Variants in XAB2 observed in about 807,000 individuals in gnomAD.
XAB2 encodes pre-mRNA-splicing factor SYF1.
XAB2 carries 57 observed loss-of-function variants against 113.4 expected under a neutral mutation model. The observed-to-expected ratio is 0.50, with a 90% CI of 0.41 to 0.63. The LOEUF is 0.63. Ranked by LOEUF, XAB2 falls within the 20% of genes least tolerant of loss-of-function variation. XAB2 has a pLI of 0.00. For missense variants in XAB2, 1,037 were observed against 1,233.3 expected, an observed-to-expected ratio of 0.84 and a Z score of 2.38; for synonymous variants, 497 against 498.8, an observed-to-expected ratio of 1.00 and a Z score of 0.05.
Position 7,620,647 on chromosome 19 carries a change from C to G in XAB2, c.1994G>C (p.Arg665Pro). ...GTCTGCAAACCGCAGGCACATCTCA[C>G]GCGCGTGCTCGTCCGACAGCACCTG... ...AIEVLSDEHA[R>P]EMCLRFADME... The change falls in exon 15 of 19, where the codon CGT becomes CCT. Residue 665 changes from arginine to proline, a missense_variant. Arg to Pro is a moderately radical substitution (Grantham distance 103, BLOSUM62 -2). Transcript: ENST00000358368. The G allele has an allele frequency of 6.2e-7, 1 of 1,612,944 alleles. No individual in the cohort carries two copies. Among genetic ancestry groups the G allele is most frequent in the Non-Finnish European group, 8.5e-7 (1 of 1,179,912 alleles).
Position 7,629,486 on chromosome 19 carries a change from G to A in XAB2, c.42C>T (p.Asp14=), listed in dbSNP as rs763579035. 7 of 1,601,588 alleles carry A rather than the reference G, an allele frequency of 4.4e-6. No homozygotes were observed. In the African/African-American group the frequency reaches 9.4e-5, roughly 21 times the overall value. Residue 14 remains aspartate, a synonymous_variant, in exon 1 of 19, where the codon GAC becomes GAT. Transcript: ENST00000358368. ...TCCTCTGTGGACTCACGAAGACAAG[G>A]TCCGGCCGCTCGGGCCGCGAGAGTC... is the stretch of plus-strand genomic sequence containing the variant. The part of the protein sequence containing the change: ...MARLSRPERP[D]LVFEEEDLPY...
At position 7,623,712 on chromosome 19, in the gene XAB2, TG is replaced by T. The variant is rs1385057524; in HGVS notation, c.1119+18del. The T allele has an allele frequency of 2.5e-5, 40 of 1,577,562 alleles. No individual in the cohort carries two copies. The highest frequency in any genetic ancestry group is 3.3e-5 in the Non-Finnish European group (39 of 1,164,436). ...GGAAACTGGCCCTCAGGGGTAGGAC[TG>T]GGGCAGGCTTCATGTACCTCCCGGG... is the stretch of plus-strand genomic sequence containing the variant. On this transcript the variant is annotated intron_variant, in intron 8 of 18. Transcript: ENST00000358368. The surrounding 1 kb of genome is among the most constrained non-coding windows in gnomAD (Gnocchi z 4.6).
rs138662514 is a variant in XAB2, at chr19:7,626,293, G to C, written c.523-23C>G. On this transcript the variant is annotated intron_variant, in intron 4 of 18. Transcript: ENST00000358368. ...CAGCTGGGGACCGAGCCACCCCTCA[G>C]GCAGTCAGTGGGGTGGCAGGGCTAC... 12,906 of 1,598,536 alleles carry C rather than the reference G, an allele frequency of 8.1e-3. 75 individuals carry two copies. Among genetic ancestry groups the C allele is most frequent in the South Asian group, 0.023 (2,135 of 90,948 alleles).
In XAB2 at chr19:7,621,284, C is replaced by G. The variant is rs1315592584; in HGVS notation, c.1631G>C (p.Gly544Ala). The change falls in exon 13 of 19, where the codon GGC becomes GCC. Residue 544 changes from glycine (G) to alanine (A), a missense_variant. By Grantham distance (60) the Gly-to-Ala change is moderately conservative (BLOSUM62 0). Coordinates refer to ENST00000358368, the MANE Select transcript of XAB2 (RefSeq NM_020196.3). ...GTTGGGCCACTTGAACAGCGAGATG[C>G]CGCGCTCGTACGCCTGTTACCAGAG... ...FEESFKAYER[G>A]ISLFKWPNVS... 1 of 1,612,866 alleles carries G rather than the reference C, an allele frequency of 6.2e-7. No homozygotes were observed. The highest frequency in any genetic ancestry group is 1.7e-5 in the Admixed American group (1 of 60,018).
rs1475141835 is a variant in XAB2 at position 7,621,150 on chromosome 19, G to A, written c.1765C>T (p.Pro589Ser). ...CCCGCCTCACTCTTGGCATATTTTG[G>A]GGGGCAGCCGTCCAGAGCCTGTTCA... is the stretch of plus-strand genomic sequence containing the variant. ...LFEQALDGCP[P>S]KYAKTLYLLY... is the part of the protein sequence containing the mutation. The change falls in exon 13 of 19, where the codon CCA becomes TCA. Residue 589 changes from proline to serine, a missense_variant. By Grantham distance (74) the Pro-to-Ser change is moderately conservative. Coordinates refer to ENST00000358368, the MANE Select transcript of XAB2 (RefSeq NM_020196.3). 10 of 1,592,396 alleles carry A rather than the reference G, an allele frequency of 6.3e-6. No individual in the cohort carries two copies. Among genetic ancestry groups the A allele is most frequent in the South Asian group, 1.1e-5 (1 of 90,352 alleles).
intron 13 of XAB2, 29 bp downstream of exon 13, chr19:7,621,106 A>ACC: frequency 1.5e-6 from 1 of 677,222 alleles, no homozygotes; most frequent in Non-Finnish European, 2.0e-6. Context: ...CCCGCCCGCC[A>ACC]CCCCCCCCAT....
At chr19:7,626,065 G>C (rs373098525) in intron 5 of XAB2, 21 bp from the exon 6 acceptor site, 1 of 1,608,632 alleles carries the variant, frequency 6.2e-7, no homozygotes, top group African/African-American at 1.3e-5. Context: ...TGGGGCAGTG[G>C]GGGAGAGTCT....
At chr19:7,620,101 C>T (rs757785157) in intron 16 of XAB2, 26 bp from the exon 17 acceptor site, 26 of 1,606,308 alleles carry the variant, frequency 1.6e-5, no homozygotes, top group East Asian at 1.3e-4. Flanking sequence ...AGGGGGTCAG[C>T]GCCACGGGGG....
chr19:7,622,875 T>C lies in XAB2; in HGVS notation c.1258A>G (p.Lys420Glu). The change falls in exon 10 of 19, where the codon AAG becomes GAG. Residue 420 changes from lysine to glutamate, a missense_variant. Lys to Glu is a moderately conservative substitution (Grantham distance 56). Coordinates refer to ENST00000358368, the MANE Select transcript of XAB2 (RefSeq NM_020196.3). ...QLDDARVILE[K>E]ATKVNFKQVD... Reference sequence around the variant, plus strand: ...TGCTTGAAGTTCACCTTGGTGGCCTTCTCCAGGATGACACGGGCCTGCCGG... The same window carrying C: ...TGCTTGAAGTTCACCTTGGTGGCCTCCTCCAGGATGACACGGGCCTGCCGG... The C allele has an allele frequency of 6.2e-7, 1 of 1,613,694 alleles. No individual in the cohort carries two copies. Among genetic ancestry groups the C allele is most frequent in the East Asian group, 2.2e-5 (1 of 44,840 alleles).
rs4134839 is a variant in XAB2 at position 7,626,006 on chromosome 19, C to T, written c.696G>A (p.Pro232=). 2,244 of 1,612,446 alleles carry T rather than the reference C, an allele frequency of 1.4e-3. 38 individuals carry two copies. In the African/African-American group the frequency reaches 0.027, roughly 19 times the overall value. The change falls in exon 6 of 19, where the codon CCG becomes CCA. Residue 232 remains proline, a synonymous_variant. Transcript: ENST00000358368. Reference sequence around the variant, plus strand: ...CCACATTGAGGGACTGTACCTTGTCCGGATTCTGGGAGATGAGGTCGCACA... The same window carrying T: ...CCACATTGAGGGACTGTACCTTGTCTGGATTCTGGGAGATGAGGTCGCACA... ...HELCDLISQN[P]DKVQSLNVDA...
At position 7,619,935 on chromosome 19, in the gene XAB2, T is replaced by G. The variant is rs774070049; in HGVS notation, c.2396+11A>C. On this transcript the variant is annotated intron_variant, in intron 17 of 18. Coordinates refer to ENST00000358368, the MANE Select transcript of XAB2 (RefSeq NM_020196.3). The stretch of plus-strand genomic sequence containing the variant: ...GTCCCAGTCCTGTCCCGTCCAAGGA[T>G]CCGCCCTCACCTCACGAACAGGATC... 33 of 1,610,446 alleles carry G rather than the reference T, an allele frequency of 2.0e-5. No individual in the cohort carries two copies. Among genetic ancestry groups the G allele is most frequent in the Non-Finnish European group, 2.8e-5 (33 of 1,179,880 alleles).
chr19:7,623,297 C>T lies in XAB2; in HGVS notation c.1120-8G>A, dbSNP rs1195360017. 1.9e-6 allele frequency: 3 copies of T among 1,613,012 alleles called. No individual in the cohort carries two copies. Among genetic ancestry groups the T allele is most frequent in the East Asian group, 4.5e-5 (2 of 44,884 alleles). ...TGTGTAGGTGTTGATGATCTGGGGACAGGAGGGAGGAGGTCATATAGGACT... is the reference window on the plus strand; with the variant it reads ...TGTGTAGGTGTTGATGATCTGGGGATAGGAGGGAGGAGGTCATATAGGACT... On this transcript the variant is annotated splice_polypyrimidine_tract_variant and splice_region_variant and intron_variant, in intron 8 of 18. Transcript: ENST00000358368. This position sits in a 1 kb window ranked among gnomAD's most constrained non-coding sequence, Gnocchi z 4.6.
Position 7,628,386 on chromosome 19 carries a change from C to G in XAB2, c.52-88G>C. The G allele has an allele frequency of 6.4e-7, 1 of 1,553,032 alleles. No homozygotes were observed. Among genetic ancestry groups the G allele is most frequent in the Non-Finnish European group, 8.8e-7 (1 of 1,141,366 alleles). The stretch of plus-strand genomic sequence containing the variant: ...CCCACTGCTGGGGCTCAGGTCCAAA[C>G]TCCGGACTTTTACCTAGATCCCACC... On this transcript the variant is annotated intron_variant, in intron 1 of 18. Transcript: ENST00000358368. The surrounding 1 kb of genome is among the most constrained non-coding windows in gnomAD (Gnocchi z 4.6).
At chr19:7,629,222 C>T (rs949940956) in intron 1 of XAB2, among the ~76,000 whole-genome samples, 6 of 152,226 alleles carry the variant, frequency 3.9e-5, no homozygotes, top group African/African-American at 7.2e-5. Flanking sequence ...CCCCCATTTC[C>T]GCCCCTGGTT....
chr19:7,619,549 G>C lies in XAB2; in HGVS notation c.*37C>G, dbSNP rs763327923. On this transcript the variant is annotated 3_prime_UTR_variant, in exon 19 of 19. Coordinates refer to ENST00000358368, the MANE Select transcript of XAB2 (RefSeq NM_020196.3). Reference sequence around the variant, plus strand: ...ATGATGTACAAACGTAGCTGTATTGGGGAGGGGGTGGGGAGGGGGGATGGG... The same window carrying C: ...ATGATGTACAAACGTAGCTGTATTGCGGAGGGGGTGGGGAGGGGGGATGGG... 9.0e-6 allele frequency: 13 copies of C among 1,440,962 alleles called. 1 individual carries two copies. The African/African-American group carries it at 1.9e-4, about 21-fold the overall frequency. The allele number at this position is 1,440,962 out of a possible 1,614,324, so 89.3% of individuals were successfully genotyped here.
Position 7,623,394 on chromosome 19 carries a change from C to G in XAB2, c.1120-105G>C, listed in dbSNP as rs2031076726. ...GTGGGGCCTGGAGGGTGCTGTGGCC[C>G]CTGTCGGGAGAGGCCAGAAACGAAC... is the stretch of plus-strand genomic sequence containing the variant. On this transcript the variant is annotated intron_variant, in intron 8 of 18. Transcript: ENST00000358368. This position sits in a 1 kb window ranked among gnomAD's most constrained non-coding sequence, Gnocchi z 4.6. 6.7e-7 allele frequency: 1 copy of G among 1,483,426 alleles called. No homozygotes were observed. Among genetic ancestry groups the G allele is most frequent in the Non-Finnish European group, 9.1e-7 (1 of 1,093,806 alleles). The allele number at this position is 1,483,426 out of a possible 1,614,324, so 91.9% of individuals were successfully genotyped here. A position where few individuals can be genotyped will look rare whatever the true frequency, so the allele number is the denominator to read the frequency against.
At position 7,622,499 on chromosome 19, in the gene XAB2, C is replaced by A. The variant is rs779073595; in HGVS notation, c.1503+31G>T. 7 of 1,613,714 alleles carry A rather than the reference C, an allele frequency of 4.3e-6. No individual in the cohort carries two copies. The Admixed American group carries it at 1.2e-4, about 27-fold the overall frequency. Reference sequence around the variant, plus strand: ...GCTGGTTCTGGAGCTGAGTCCGGGGCCCCGTCCCTCCCCAGCCACAGGCAG... The same window carrying A: ...GCTGGTTCTGGAGCTGAGTCCGGGGACCCGTCCCTCCCCAGCCACAGGCAG... On this transcript the variant is annotated intron_variant, in intron 11 of 18. Transcript: ENST00000358368.
At position 7,622,539 on chromosome 19, in the gene XAB2, G is replaced by C; in HGVS notation, c.1494C>G (p.Gly498=). 1 of 1,613,798 alleles carries C rather than the reference G, an allele frequency of 6.2e-7. No individual in the cohort carries two copies. Among genetic ancestry groups the C allele is most frequent in the Non-Finnish European group, 8.5e-7 (1 of 1,180,030 alleles). The part of the protein sequence containing the change: ...SMLADLEESL[G]TFQSTKAVYD... ...GCCACAGGCAGCTCACCTGGAAGGT[G>C]CCGAGGCTCTCCTCCAGGTCGGCGA... The change falls in exon 11 of 19, where the codon GGC becomes GGG. Residue 498 remains glycine (G), a synonymous_variant. Transcript: ENST00000358368.
At position 7,623,326 on chromosome 19, in the gene XAB2, G is replaced by A; in HGVS notation, c.1120-37C>T. 6.2e-7 allele frequency: 1 copy of A among 1,606,372 alleles called. No individual in the cohort carries two copies. Reference sequence around the variant, plus strand: ...AGGGAGGAGGTCATATAGGACTCAGGACCCTGCAGATGACGGTCGGGGCAG... The same window carrying A: ...AGGGAGGAGGTCATATAGGACTCAGAACCCTGCAGATGACGGTCGGGGCAG... On this transcript the variant is annotated intron_variant, in intron 8 of 18. Transcript: ENST00000358368. The surrounding 1 kb of genome is among the most constrained non-coding windows in gnomAD (Gnocchi z 4.6).
Sources: gnomAD v4.1 joint callset for allele counts (sites outside exome capture counted in the v4.1 genomes callset) on GRCh38, gnomAD v4.1.1 for gene constraint, Gnocchi (gnomAD v3.1) non-coding constraint, MANE v1.5 for transcripts, NCBI Gene and HGNC (gene_info 2026-07-23, HGNC 2026-07-21) for gene names.